COL9A3: variants seen among roughly 807,000 people sequenced by gnomAD.
COL9A3 encodes the protein collagen alpha-3(IX) chain.
COL9A3 carries 82 observed loss-of-function variants against 110.2 expected under a neutral mutation model. The ratio of observed to expected loss-of-function variants is 0.74; its 90% CI spans 0.62 to 0.89. The LOEUF is 0.89. Ranked by LOEUF, COL9A3 falls within the 40% of genes least tolerant of loss-of-function variation. COL9A3 has a pLI of 0.00. For missense variants in COL9A3, 1,066 were observed against 981.3 expected (o/e 1.09, Z -1.15); for synonymous variants, 494 against 403.8 (o/e 1.22, Z -2.68).
Position 62,827,348 on chromosome 20 carries a change from C to T in COL9A3, c.846+54C>T, listed in dbSNP as rs2063562631. On this transcript the variant is annotated intron_variant, in intron 16 of 31. Transcript: ENST00000649368. ...GTCCTTATGTGGAAGAACCCAATTT[C>T]CCTCCTGACTCGTGCTGGGGAGGGG... 3.2e-6 allele frequency: 5 copies of T among 1,573,076 alleles called. No individual in the cohort carries two copies. In the Admixed American group the frequency reaches 8.4e-5, roughly 26 times the overall value.
At chr20:62,816,266 C>A (rs1405465758), upstream of COL9A3, 1 of 152,288 alleles carries the variant, frequency 6.6e-6, no homozygotes, top group Non-Finnish European at 1.5e-5. Flanking sequence ...CTTGGCCGGA[C>A]CTGGCGACCC....
In COL9A3 at chr20:62,836,509, A is replaced by T; in HGVS notation, c.1580A>T (p.Glu527Val). The stretch of plus-strand genomic sequence containing the variant: ...GAGGCCAGCGAGCAGCGCATCAGGG[A>T]GCTGTGTGGGGGGATGATCAGCGGT... ...GKEASEQRIR[E>V]LCGGMISEQI... Residue 527 changes from glutamate (E) to valine (V), a missense_variant, in exon 29 of 32, where the codon GAG (glutamate) becomes GTG (valine). Transcript: ENST00000649368. 6.2e-7 allele frequency: 1 copy of T among 1,612,986 alleles called. No individual in the cohort carries two copies.
At chr20:62,831,872 A>G (rs969341824) in intron 24 of COL9A3, 4 of 527,052 alleles carry the variant, frequency 7.6e-6, no homozygotes, top group African/African-American at 1.9e-5. Flanking sequence ...TTATCCTGCA[A>G]TTGTGCAGAA....
At chr20:62,819,616 G>A (rs1349034624) in intron 4 of COL9A3, among the ~76,000 whole-genome samples, 2 of 152,226 alleles carry the variant, frequency 1.3e-5, no homozygotes, top group Non-Finnish European at 2.9e-5. Flanking sequence ...TGGCCCCAGG[G>A]CCACGGAGTT....
At chr20:62,817,046 G>T (rs751309225), upstream of COL9A3, 410 of 1,305,804 alleles carry the variant, frequency 3.1e-4, 6 homozygotes, top group South Asian at 7.1e-3. Context: ...CGACGCCGCA[G>T]CTCAGACTCC....
At chr20:62,817,786 T>TG in intron 2 of COL9A3, 151 bp downstream of exon 2, 1 of 650,834 alleles carries the variant, frequency 1.5e-6, no homozygotes, top group Non-Finnish European at 2.8e-6. Flanking sequence ...CTTCACGGGA[T>TG]GGGGGTGGCC....
intron 8 of COL9A3, 84 bp from the exon 9 acceptor site, chr20:62,822,027 C>T (rs1450738492): frequency 1.9e-5 from 17 of 896,456 alleles, no homozygotes; most frequent in Non-Finnish European, 3.0e-5. Context: ...GGGAGCTGGG[C>T]GTGTCCACCT....
Position 62,827,156 on chromosome 20 carries a change from G to T in COL9A3, c.793-85G>T. On this transcript the variant is annotated intron_variant, in intron 15 of 31. Coordinates refer to ENST00000649368, the MANE Select transcript of COL9A3 (RefSeq NM_001853.4). ...GACCACTCCTGGAGGGCTGTCCCCCGCCCGGGCCTGGAGGGGCCCCCGTCC... is the reference window on the plus strand; with the variant it reads ...GACCACTCCTGGAGGGCTGTCCCCCTCCCGGGCCTGGAGGGGCCCCCGTCC... 5 of 1,343,658 alleles carry T rather than the reference G, an allele frequency of 3.7e-6. No homozygotes were observed. The South Asian group carries it at 4.7e-5, about 13-fold the overall frequency. 83.2% of individuals were successfully genotyped at this position (1,343,658 alleles called of 1,614,324 possible). A position where few individuals can be genotyped will look rare whatever the true frequency, so the allele number is the denominator to read the frequency against.
Position 62,832,206 on chromosome 20 carries a change from C to G in COL9A3, c.1323+17C>G, listed in dbSNP as rs867139161. On this transcript the variant is annotated intron_variant, in intron 25 of 31. Transcript: ENST00000649368. ...GGAGACCAGGTGAGCTGGGCACAGG[C>G]TGGGGCAAAAGGAATGAAGGCAAAG... 3 of 1,612,322 alleles carry G rather than the reference C, an allele frequency of 1.9e-6. No individual in the cohort carries two copies. In the Middle Eastern group the frequency reaches 5.0e-4, roughly 267 times the overall value.
At chr20:62,830,222 C>T (rs1376468671) in intron 22 of COL9A3, 138 bp from the exon 23 acceptor site, 1 of 1,038,506 alleles carries the variant, frequency 9.6e-7, no homozygotes. Flanking sequence ...CCTTTGTCCC[C>T]AGCAACCCAG....
chr20:62,824,719 G>A (rs2063536825), intron 11 of COL9A3, among the ~76,000 whole-genome samples: 1 of 152,232 alleles, frequency 6.6e-6, no homozygotes, highest in Non-Finnish European at 1.5e-5. Context: ...GTCAGAGACT[G>A]CGGGGGAGAG....
chr20:62,817,018 C>A, upstream of COL9A3: 2 of 1,141,994 alleles, frequency 1.8e-6, no homozygotes, highest in Non-Finnish European at 2.2e-6. Flanking sequence ...GCCCCGCCCG[C>A]CCGCGCGCCG....
Position 62,822,177 on chromosome 20 carries a change from C to T in COL9A3, c.477+13C>T. ...TCCCGGACCCCCTGTAAGTACTGGG[C>T]AGAGGCTCTAAGAAGTGCTGGGCAT... On this transcript the variant is annotated intron_variant, in intron 9 of 31. Coordinates refer to ENST00000649368, the MANE Select transcript of COL9A3 (RefSeq NM_001853.4). 3.3e-6 allele frequency: 5 copies of T among 1,536,954 alleles called. No individual in the cohort carries two copies. The highest frequency in any genetic ancestry group is 4.5e-6 in the Non-Finnish European group (5 of 1,110,376).
chr20:62,827,923 G>A lies in COL9A3; in HGVS notation c.847G>A (p.Gly283Ser), dbSNP rs2063566930. The A allele has an allele frequency of 6.2e-7, 1 of 1,612,838 alleles. No homozygotes were observed. The highest frequency in any genetic ancestry group is 8.5e-7 in the Non-Finnish European group (1 of 1,179,984). The change falls in exon 17 of 32, where the codon GGC (glycine) becomes AGC (serine). Residue 283 changes from glycine (G) to serine (S), a missense_variant and splice_region_variant. Gly to Ser is a moderately conservative substitution (Grantham distance 56, BLOSUM62 0). Coordinates refer to ENST00000649368, the MANE Select transcript of COL9A3 (RefSeq NM_001853.4). The stretch of plus-strand genomic sequence containing the variant: ...CTTCTGTCACTTGTGTGTCCTCTAG[G>A]GCAGACCTGGTCCCAAGGGAACCCC... The part of the protein sequence containing the change: ...EGFRGPKGDL[G>S]RPGPKGTPGV...
At chr20:62,821,078 G>A in intron 5 of COL9A3, 103 bp from the exon 6 acceptor site, 3 of 1,233,586 alleles carry the variant, frequency 2.4e-6, no homozygotes, top group Non-Finnish European at 1.2e-6. Flanking sequence ...CTTGGACCCT[G>A]TTGTCCTGGG....
intron 30 of COL9A3, 81 bp from the exon 31 acceptor site, chr20:62,838,603 T>C: frequency 7.8e-7 from 1 of 1,281,578 alleles, no homozygotes; most frequent in Non-Finnish European, 1.1e-6. Flanking sequence ...CCCTGTTTGT[T>C]ACAAAGGTTG....
At chr20:62,833,799 G>A (rs571092109) in intron 26 of COL9A3, among the ~76,000 whole-genome samples, 1 of 152,180 alleles carries the variant, frequency 6.6e-6, no homozygotes, top group East Asian at 1.9e-4. Context: ...CTGGGTTCAA[G>A]CGATTTTCCT....
At chr20:62,831,376 C>T (rs1343551531) in intron 24 of COL9A3, 2 of 152,480 alleles carry the variant, frequency 1.3e-5, no homozygotes, top group African/African-American at 4.8e-5. Context: ...CTGTGGCCAC[C>T]TCTGCTGGGC....
At chr20:62,834,378 A>C (rs990675200) in intron 26 of COL9A3, among the ~76,000 whole-genome samples, 2 of 152,244 alleles carry the variant, frequency 1.3e-5, no homozygotes, top group African/African-American at 4.8e-5. Flanking sequence ...GCATAAAATT[A>C]CGTTCTTGTT....
Sources: allele counts gnomAD v4.1 joint callset (sites outside exome capture counted in the v4.1 genomes callset), GRCh38; gene constraint gnomAD v4.1.1; transcripts MANE v1.5; gene names NCBI Gene and HGNC (gene_info 2026-07-23, HGNC 2026-07-21).